Variants in LRP1B observed in about 807,000 individuals in gnomAD.
LRP1B encodes low-density lipoprotein receptor-related protein 1B.
In LRP1B, 217 loss-of-function variants were observed where a neutral mutation model predicts 556.6. The observed-to-expected ratio is 0.39, with a 90% CI of 0.35 to 0.44. LRP1B has a LOEUF of 0.44. Among genes scored for constraint, LRP1B ranks in the 20% least tolerant of loss-of-function variants. The pLI, the probability that LRP1B is intolerant of heterozygous loss-of-function variation, is 1.00. For synonymous variants in LRP1B, 2,047 were observed against 1,865.8 expected (o/e 1.10, Z -2.50); for missense variants, 5,053 against 5,620.8 (o/e 0.90, Z 3.23).
chr2:140,468,882 T>C (rs1252793624), intron 60 of LRP1B, among the ~76,000 whole-genome samples: 1 of 152,210 alleles, frequency 6.6e-6, no homozygotes, highest in Non-Finnish European at 1.5e-5. Flanking sequence ...GAAATGTTTA[T>C]CCTATGCCCA....
chr2:141,792,083 T>TA (rs1695633814), intron 2 of LRP1B, among the ~76,000 whole-genome samples: 1 of 151,816 alleles, frequency 6.6e-6, no homozygotes, highest in African/African-American at 2.4e-5. Flanking sequence ...TCCCAAGACT[T>TA]AAAAAAATTC....
chr2:140,812,141 T>A (rs186965913), intron 32 of LRP1B, among the ~76,000 whole-genome samples: 2 of 152,154 alleles, frequency 1.3e-5, no homozygotes, highest in Non-Finnish European at 2.9e-5. Context: ...TTCTATCACA[T>A]ATCTGGAAAT....
intron 3 of LRP1B, among the ~76,000 whole-genome samples, chr2:141,350,494 A>T (rs1342042897): frequency 6.6e-6 from 1 of 152,018 alleles, no homozygotes; most frequent in Non-Finnish European, 1.5e-5. Flanking sequence ...TTTTTCTTTG[A>T]ATTCTAGAGG....
chr2:141,279,926 G>C (rs1685448031), intron 3 of LRP1B, among the ~76,000 whole-genome samples: 1 of 152,046 alleles, frequency 6.6e-6, no homozygotes, highest in Non-Finnish European at 1.5e-5. Context: ...GTTTCCATTA[G>C]CAATTTACTT....
chr2:141,711,895 G>A (rs1692372880), intron 2 of LRP1B, among the ~76,000 whole-genome samples: 1 of 151,870 alleles, frequency 6.6e-6, no homozygotes, highest in South Asian at 2.1e-4. Flanking sequence ...TTTAACTGGA[G>A]TTTTTCTGTC....
At chr2:141,424,102 C>CAT in intron 3 of LRP1B, among the ~76,000 whole-genome samples, 1 of 139,444 alleles carries the variant, frequency 7.2e-6, no homozygotes, top group East Asian at 2.4e-4. Context: ...TTAACTATTA[C>CAT]AAGCCTTCAT....
chr2:140,249,574 A>C (rs1189557305), intron 86 of LRP1B, among the ~76,000 whole-genome samples: 1 of 151,792 alleles, frequency 6.6e-6, no homozygotes, highest in Non-Finnish European at 1.5e-5. Context: ...AAATAATTTT[A>C]ACAGTTATAC....
intron 2 of LRP1B, among the ~76,000 whole-genome samples, chr2:141,655,451 T>C (rs777840545): frequency 2.0e-5 from 3 of 152,046 alleles, no homozygotes; most frequent in Non-Finnish European, 4.4e-5. Flanking sequence ...AAACAACACA[T>C]AGTTGAGCAG....
chr2:140,960,944 C>T (rs1411942585), intron 18 of LRP1B, among the ~76,000 whole-genome samples: 1 of 151,830 alleles, frequency 6.6e-6, no homozygotes, highest in Non-Finnish European at 1.5e-5. Flanking sequence ...ATCAGCCTGA[C>T]ATTAACCTAT....
chr2:140,247,059 C>A (rs1233482105), intron 87 of LRP1B, 27 bp downstream of exon 87: 1 of 1,542,784 alleles, frequency 6.5e-7, no homozygotes, highest in Non-Finnish European at 9.0e-7. Flanking sequence ...GTGTAGATTA[C>A]CCAAAATATT....
intron 81 of LRP1B, among the ~76,000 whole-genome samples, chr2:140,323,329 C>A (rs1680260730): frequency 6.6e-6 from 1 of 151,926 alleles, no homozygotes; most frequent in South Asian, 2.1e-4. Flanking sequence ...AACAATAAGT[C>A]ATATACAATA....
At chr2:140,764,364 A>C (rs545933540) in intron 35 of LRP1B, among the ~76,000 whole-genome samples, 1 of 152,258 alleles carries the variant, frequency 6.6e-6, no homozygotes, top group East Asian at 1.9e-4. Context: ...TTACAAATGC[A>C]CGACGGCACA....
intron 41 of LRP1B, among the ~76,000 whole-genome samples, chr2:140,698,779 T>C (rs1182528508): frequency 2.0e-5 from 3 of 152,112 alleles, no homozygotes; most frequent in Admixed American, 2.0e-4. Flanking sequence ...CTTTTCATCC[T>C]CTATTACATT....
Position 140,370,809 on chromosome 2 carries a change from A to G in LRP1B, c.10909T>C (p.Phe3637Leu). Residue 3637 changes from phenylalanine (F) to leucine (L), a missense_variant, in exon 71 of 91, where the codon TTT (phenylalanine) becomes CTT (leucine). Physicochemically the swap from Phe to Leu is conservative, Grantham distance 22. Around this residue, in one of 5 missense-constraint regions of LRP1B, gnomAD observed 599 missense variants for 648.4 expected, o/e 0.92. Transcript: ENST00000389484. ...DCVTECKEDQ[F>L]RCKNKAHCIP... ...CAGTGGGCTTTATTTTTGCACCGAA[A>G]CTGATCTTCCTTACATTCAGTCACA... 1 of 1,612,726 alleles carries G rather than the reference A, an allele frequency of 6.2e-7. No individual in the cohort carries two copies. Among genetic ancestry groups the G allele is most frequent in the Non-Finnish European group, 8.5e-7 (1 of 1,179,094 alleles).
intron 3 of LRP1B, among the ~76,000 whole-genome samples, chr2:141,357,271 G>A (rs1264923513): frequency 6.6e-6 from 1 of 152,022 alleles, no homozygotes; most frequent in East Asian, 1.9e-4. Flanking sequence ...AGCCAGGGTG[G>A]TCTGGATCTC....
In LRP1B at chr2:140,487,648, T is replaced by C. The variant is rs944467959; in HGVS notation, c.9212A>G (p.Asn3071Ser). The C allele has an allele frequency of 1.2e-6, 2 of 1,608,890 alleles. No homozygotes were observed. The highest frequency in any genetic ancestry group is 2.2e-5 in the South Asian group (2 of 90,712). Residue 3071 changes from asparagine (N) to serine (S), a missense_variant, in exon 58 of 91, where the codon AAT becomes AGT. By Grantham distance (46) the Asn-to-Ser change is conservative. Transcript: ENST00000389484. ...GTCACTTCCATTTAAACACATTCTA[T>C]TTATGCGACTGCCATTGGGTCGGCT... ...DSSRPNGSRI[N>S]RMCLNGSDIK...
chr2:141,765,242 C>A (rs2048206), intron 2 of LRP1B, among the ~76,000 whole-genome samples: 28,611 of 152,124 alleles, frequency 0.19, 3,041 homozygotes, highest in East Asian at 0.34. Context: ...CAAGACAATA[C>A]ATTTAAGATA....
Position 141,162,410 on chromosome 2 carries a change from C to T in LRP1B, c.1013+26011G>A, listed in dbSNP as rs188216386. Among the ~76,000 whole-genome samples, 437 of 152,106 alleles carry T rather than the reference C, an allele frequency of 2.9e-3. 4 individuals are homozygous for T. The highest frequency in any genetic ancestry group is 5.1e-3 in the Non-Finnish European group (347 of 67,980). ...CTTTTAGAACAGTCCCTGGAGTCTT[C>T]CTCCAGAATGCAAACAACCTGGTGC... On this transcript the variant is annotated intron_variant, in intron 7 of 90. Transcript: ENST00000389484.
chr2:140,509,083 A>C (rs5025320), intron 52 of LRP1B, among the ~76,000 whole-genome samples: 193 of 148,856 alleles, frequency 1.3e-3, no homozygotes, highest in Middle Eastern at 3.4e-3. Context: ...CACACACACA[A>C]ACACACACAC....
Sources: gnomAD v4.1 joint callset for allele counts (sites outside exome capture counted in the v4.1 genomes callset) on GRCh38, gnomAD v4.1.1 for gene constraint, gnomAD v4.1.1 regional missense constraint, MANE v1.5 for transcripts, NCBI Gene and HGNC (gene_info 2026-07-23, HGNC 2026-07-21) for gene names.